ANKRD55: variants seen among roughly 807,000 people sequenced by gnomAD.
The protein encoded by ANKRD55 is ankyrin repeat domain 55, also known as ankyrin repeat domain-containing protein 55.
In ANKRD55, 41 loss-of-function variants were observed where a neutral mutation model predicts 60.6. The observed-to-expected ratio is 0.68, with a 90% CI of 0.53 to 0.88. ANKRD55 has a LOEUF of 0.88. Among genes scored for constraint, ANKRD55 ranks in the 40% least tolerant of loss-of-function variants. The pLI, the probability that ANKRD55 is intolerant of heterozygous loss-of-function variation, is 0.00. For synonymous variants in ANKRD55, 264 were observed against 290.3 expected (o/e 0.91, Z 0.92); for missense variants, 732 against 767.6 (o/e 0.95, Z 0.55).
intron 2 of ANKRD55, among the ~76,000 whole-genome samples, chr5:56,228,313 C>G (rs560049332): frequency 6.6e-6 from 1 of 151,936 alleles, no homozygotes. Context: ...TGCACACAGA[C>G]GAGGCCAAGT....
intron 2 of ANKRD55, among the ~76,000 whole-genome samples, chr5:56,222,585 C>A (rs1288757844): frequency 6.6e-6 from 1 of 151,722 alleles, no homozygotes; most frequent in Non-Finnish European, 1.5e-5. Context: ...GAACCCATCA[C>A]AAAGAAGCTA....
chr5:56,104,260 T>C (rs1756381252), intron 10 of ANKRD55, among the ~76,000 whole-genome samples: 1 of 152,202 alleles, frequency 6.6e-6, no homozygotes, highest in Non-Finnish European at 1.5e-5. Flanking sequence ...CATTCTATTA[T>C]CATCCTCATT....
intron 7 of ANKRD55, among the ~76,000 whole-genome samples, chr5:56,127,848 C>T (rs1757317086): frequency 6.6e-6 from 1 of 151,752 alleles, no homozygotes; most frequent in Non-Finnish European, 1.5e-5. Flanking sequence ...CTTTCTCTTC[C>T]TATCATCTTC....
chr5:56,142,082 C>A (rs2111756598), intron 7 of ANKRD55, among the ~76,000 whole-genome samples: 1 of 152,270 alleles, frequency 6.6e-6, no homozygotes, highest in East Asian at 1.9e-4. Flanking sequence ...GTAATCTCAA[C>A]ACTTTGGGAG....
Position 56,210,554 on chromosome 5 carries a change from A to C in ANKRD55, c.58+22302T>G, listed in dbSNP as rs1326086882. Among the ~76,000 whole-genome samples the C allele has an allele frequency of 5.4e-3, 686 of 127,892 alleles. 5 individuals carry two copies. Among genetic ancestry groups the C allele is most frequent in the African/African-American group, 0.02 (623 of 30,400 alleles). 83.9% of individuals were successfully genotyped at this position (127,892 alleles called of 152,430 possible). The stretch of plus-strand genomic sequence containing the variant: ...CCAGCCTGGGCGACAGAGCGAGACT[A>C]CGTCTCAAAAAAAAAAAAAAAAAAA... On this transcript the variant is annotated intron_variant, in intron 2 of 11. Coordinates refer to ENST00000341048, the MANE Select transcript of ANKRD55 (RefSeq NM_024669.3).
chr5:56,153,802 A>G (rs1758118172), intron 6 of ANKRD55, among the ~76,000 whole-genome samples: 1 of 151,678 alleles, frequency 6.6e-6, no homozygotes, highest in Non-Finnish European at 1.5e-5. Context: ...GCACCATTGT[A>G]CTCCGGCCTG....
rs556585522 is a variant in ANKRD55 at position 56,121,615 on chromosome 5, C to A, written c.798-4833G>T. ...CTCGATCTCCTGACCTCGTGATCCA[C>A]CCGCCTGGGCCTCCCAAAGTGCTGG... is the stretch of plus-strand genomic sequence containing the variant. On this transcript the variant is annotated intron_variant, in intron 8 of 11. Transcript: ENST00000341048. 4.1e-3 allele frequency among the ~76,000 whole-genome samples: 621 copies of A among 152,046 alleles called. 1 individual carries two copies. The highest frequency in any genetic ancestry group is 0.02 in the Middle Eastern group (6 of 294).
intron 2 of ANKRD55, among the ~76,000 whole-genome samples, chr5:56,210,068 C>T (rs1214977187): frequency 2.0e-5 from 3 of 151,772 alleles, no homozygotes; most frequent in African/African-American, 7.3e-5. Flanking sequence ...AGTGCCGTGG[C>T]ACAATCTCAG....
intron 7 of ANKRD55, among the ~76,000 whole-genome samples, chr5:56,135,290 G>GTTT (rs1757544282): frequency 2.3e-4 from 16 of 69,330 alleles, no homozygotes; most frequent in African/African-American, 8.3e-4. Context: ...CTGCCTGCCT[G>GTTT]CTTGCTTTCT....
chr5:56,199,775 C>G (rs577210500), intron 2 of ANKRD55, among the ~76,000 whole-genome samples: 22 of 151,736 alleles, frequency 1.4e-4, no homozygotes, highest in Admixed American at 9.2e-4. Context: ...CCTGTAGTCC[C>G]AGCTACTTGG....
intron 7 of ANKRD55, among the ~76,000 whole-genome samples, chr5:56,135,263 T>C (rs59643867): frequency 0.19 from 17,529 of 91,350 alleles, 1,913 homozygotes; most frequent in African/African-American, 0.28. Flanking sequence ...TCCTTCCTTC[T>C]TTCCCTCCCT....
intron 6 of ANKRD55, among the ~76,000 whole-genome samples, chr5:56,159,251 C>T (rs1351692617): frequency 2.0e-5 from 3 of 152,166 alleles, no homozygotes; most frequent in Non-Finnish European, 4.4e-5. Flanking sequence ...CACCTGAGGT[C>T]GCGAGTTTGA....
At chr5:56,117,907 T>C (rs1430652630) in intron 8 of ANKRD55, among the ~76,000 whole-genome samples, 2 of 151,754 alleles carry the variant, frequency 1.3e-5, no homozygotes, top group Non-Finnish European at 2.9e-5. Flanking sequence ...CTTTGGGAGG[T>C]TGAGGCAGAT....
chr5:56,174,869 G>T (rs1169681038), intron 4 of ANKRD55, among the ~76,000 whole-genome samples: 2 of 149,012 alleles, frequency 1.3e-5, no homozygotes, highest in African/African-American at 4.9e-5. Context: ...AAGGAGGTTT[G>T]TTCAACATGC....
chr5:56,219,588 C>T (rs1489453685), intron 2 of ANKRD55, among the ~76,000 whole-genome samples: 4 of 152,198 alleles, frequency 2.6e-5, no homozygotes, highest in African/African-American at 9.6e-5. Flanking sequence ...GAAAATCTGA[C>T]ATGTAGATCA....
chr5:56,171,082 C>G (rs1758603619), intron 4 of ANKRD55, among the ~76,000 whole-genome samples: 1 of 152,114 alleles, frequency 6.6e-6, no homozygotes, highest in East Asian at 1.9e-4. Flanking sequence ...TAGGGCCACT[C>G]ACTGGTATTA....
intron 2 of ANKRD55, among the ~76,000 whole-genome samples, chr5:56,227,104 A>G (rs1760133574): frequency 6.6e-6 from 1 of 152,138 alleles, no homozygotes; most frequent in Non-Finnish European, 1.5e-5. Flanking sequence ...TCCATCGATG[A>G]TAGACTGGAT....
chr5:56,217,718 C>A (rs890395994), intron 2 of ANKRD55, among the ~76,000 whole-genome samples: 2 of 151,908 alleles, frequency 1.3e-5, no homozygotes, highest in African/African-American at 2.4e-5. Context: ...CATGGTGAAA[C>A]CCCATCTCTA....
chr5:56,150,853 C>T (rs1052199477), intron 6 of ANKRD55, among the ~76,000 whole-genome samples: 11 of 151,928 alleles, frequency 7.2e-5, no homozygotes, highest in Non-Finnish European at 1.5e-4. Flanking sequence ...TAGCTGAGAT[C>T]GCACCACTGC....
Sources: gnomAD v4.1 joint callset for allele counts (sites outside exome capture counted in the v4.1 genomes callset) on GRCh38, gnomAD v4.1.1 for gene constraint, MANE v1.5 for transcripts, NCBI Gene and HGNC (gene_info 2026-07-23, HGNC 2026-07-21) for gene names.